Variants in PCDH15 observed in about 807,000 individuals in gnomAD.
The protein encoded by PCDH15 is protocadherin related 15.
Under a neutral mutation model 178.5 loss-of-function variants are expected in PCDH15, and 129 were observed. The observed-to-expected ratio is 0.72, with a 90% CI of 0.63 to 0.84. The LOEUF (loss-of-function observed/expected upper bound fraction) is 0.84, where lower values mean the gene tolerates loss of function less well. PCDH15 is among the 40% of genes least tolerant of loss of function. The pLI, the probability that PCDH15 is intolerant of heterozygous loss-of-function variation, is 0.00. For synonymous variants in PCDH15, 800 were observed against 732.0 expected (o/e 1.09, Z -1.50); for missense variants, 2,230 against 2,099.9 (o/e 1.06, Z -1.21).
At chr10:54,360,812 C>T (rs143119711) in intron 5 of PCDH15, among the ~76,000 whole-genome samples, 1 of 152,070 alleles carries the variant, frequency 6.6e-6, no homozygotes, top group East Asian at 1.9e-4. Flanking sequence ...GCTACTCTTA[C>T]AAAGTTTGAA....
chr10:54,438,615 G>A (rs2075593938), intron 3 of PCDH15, among the ~76,000 whole-genome samples: 1 of 152,042 alleles, frequency 6.6e-6, no homozygotes, highest in African/African-American at 2.4e-5. Context: ...GCCAGAAGCA[G>A]GTAACAACTT....
intron 25 of PCDH15, among the ~76,000 whole-genome samples, chr10:53,931,998 G>A (rs1166140123): frequency 2.0e-5 from 3 of 152,158 alleles, no homozygotes; most frequent in African/African-American, 4.8e-5. Context: ...TGGAGAAAAG[G>A]CATGTAAGGT....
intron 2 of PCDH15, among the ~76,000 whole-genome samples, chr10:55,394,985 C>T (rs796385808): frequency 2.6e-5 from 4 of 151,852 alleles, no homozygotes; most frequent in South Asian, 2.1e-4. Flanking sequence ...ACTTGGGCAA[C>T]GTGAATTGTA....
intron 15 of PCDH15, among the ~76,000 whole-genome samples, chr10:54,090,783 T>C (rs141364486): frequency 6.2e-4 from 94 of 152,290 alleles, no homozygotes; most frequent in African/African-American, 2.1e-3. Context: ...AAATCCTGAA[T>C]TTATAGCCAC....
chr10:54,732,172 G>A (rs972196749), intron 1 of PCDH15, among the ~76,000 whole-genome samples: 2 of 151,276 alleles, frequency 1.3e-5, no homozygotes, highest in Admixed American at 6.6e-5. Context: ...AGAATACAGA[G>A]AGCATGGAAT....
chr10:55,239,251 TTATC>T (rs1047682933), intron 1 of PCDH15, among the ~76,000 whole-genome samples: 2 of 152,158 alleles, frequency 1.3e-5, no homozygotes, highest in African/African-American at 4.8e-5. Context: ...AACATTTTCT[TTATC>T]TGTTCAACCA....
At chr10:55,176,550 C>G (rs2132129262) in intron 1 of PCDH15, among the ~76,000 whole-genome samples, 1 of 152,272 alleles carries the variant, frequency 6.6e-6, no homozygotes, top group African/African-American at 2.4e-5. Flanking sequence ...AAGCTAGAAT[C>G]AATCAATGAT....
At chr10:55,107,294 G>A (rs532836038) in intron 2 of PCDH15, among the ~76,000 whole-genome samples, 1 of 152,202 alleles carries the variant, frequency 6.6e-6, no homozygotes, top group South Asian at 2.1e-4. Flanking sequence ...TCTGCTGCTG[G>A]TTGATTACAT....
intron 2 of PCDH15, among the ~76,000 whole-genome samples, chr10:54,619,790 T>G (rs1361386037): frequency 6.6e-6 from 1 of 152,052 alleles, no homozygotes; most frequent in Middle Eastern, 3.2e-3. Context: ...TTTTTCTACT[T>G]CCTATTTCTA....
At chr10:55,175,011 G>A (rs1226937506) in intron 1 of PCDH15, among the ~76,000 whole-genome samples, 1 of 149,352 alleles carries the variant, frequency 6.7e-6, no homozygotes, top group Non-Finnish European at 1.5e-5. Flanking sequence ...GAAGCAGGCC[G>A]ACTTACAAAC....
intron 2 of PCDH15, among the ~76,000 whole-genome samples, chr10:54,911,957 T>C (rs914665568): frequency 2.0e-5 from 3 of 152,186 alleles, no homozygotes; most frequent in African/African-American, 7.2e-5. Flanking sequence ...AAAGAACTAA[T>C]ACAAACATCC....
intron 27 of PCDH15, among the ~76,000 whole-genome samples, chr10:53,866,081 T>C (rs936264595): frequency 6.6e-6 from 1 of 152,162 alleles, no homozygotes; most frequent in African/African-American, 2.4e-5. Context: ...AACAGTGATA[T>C]TATTGACTAT....
chr10:54,613,565 G>C (rs1177598753), intron 2 of PCDH15, among the ~76,000 whole-genome samples: 1 of 151,280 alleles, frequency 6.6e-6, no homozygotes, highest in African/African-American at 2.4e-5. Flanking sequence ...TGAGGCTAGG[G>C]AGGTGAAAGA....
Position 53,912,274 on chromosome 10 carries a change from C to T in PCDH15, c.3374-8904G>A, listed in dbSNP as rs903790772. Among the ~76,000 whole-genome samples the T allele has an allele frequency of 2.6e-5, 4 of 152,116 alleles. No individual in the cohort carries two copies. The East Asian group carries it at 5.8e-4, about 22-fold the overall frequency. On this transcript the variant is annotated intron_variant, in intron 25 of 37. Coordinates refer to ENST00000644397, the MANE Select transcript of PCDH15 (RefSeq NM_001384140.1). ...CTTCATGCTAAAAACTCTCAATAAA[C>T]TAGGTATTGATGGAACATTTCTCAA... is the stretch of plus-strand genomic sequence containing the variant.
chr10:55,368,369 G>A lies in PCDH15; in HGVS notation c.-155-201718C>T, dbSNP rs1404915641. On this transcript the variant is annotated intron_variant, in intron 2 of 5. Coordinates refer to the PCDH15 transcript ENST00000613346. ...AATATACACACAGCCTCTCAACTGG[G>A]TTTATTTTGTAAATTAAAAATAACC... Among the ~76,000 whole-genome samples, 5 of 152,002 alleles carry A rather than the reference G, an allele frequency of 3.3e-5. No homozygotes were observed. In the South Asian group the frequency reaches 6.2e-4, roughly 19 times the overall value.
chr10:54,416,009 G>A (rs1954306889), intron 3 of PCDH15, among the ~76,000 whole-genome samples: 1 of 151,924 alleles, frequency 6.6e-6, no homozygotes, highest in South Asian at 2.1e-4. Context: ...GGATGCCCAG[G>A]CTGGAGTGCA....
chr10:54,908,789 T>C (rs1954769306), intron 2 of PCDH15, among the ~76,000 whole-genome samples: 1 of 151,948 alleles, frequency 6.6e-6, no homozygotes, highest in Admixed American at 6.6e-5. Flanking sequence ...CCAATGGGTG[T>C]TCAGCTCTCA....
chr10:54,343,793 A>C (rs994272536), intron 6 of PCDH15, among the ~76,000 whole-genome samples: 1 of 151,984 alleles, frequency 6.6e-6, no homozygotes, highest in Non-Finnish European at 1.5e-5. Flanking sequence ...CTTAAAGTAA[A>C]ATAATAAAAA....
At chr10:54,995,894 T>G (rs1180613032) in intron 2 of PCDH15, among the ~76,000 whole-genome samples, 1 of 152,164 alleles carries the variant, frequency 6.6e-6, no homozygotes, top group Admixed American at 6.5e-5. Context: ...CACACATGGT[T>G]ACATTTCTTT....
Sources: allele counts gnomAD v4.1 joint callset (sites outside exome capture counted in the v4.1 genomes callset), GRCh38; gene constraint gnomAD v4.1.1; transcripts MANE v1.5; gene names NCBI Gene and HGNC (gene_info 2026-07-23, HGNC 2026-07-21).